The following RBL1 variants were observed in gnomAD, a reference collection of about 807,000 sequenced individuals.
RBL1 encodes the protein RB transcriptional corepressor like 1.
RBL1 carries 82 observed loss-of-function variants against 123.0 expected under a neutral mutation model. The observed-to-expected ratio is 0.67, with a 90% CI of 0.56 to 0.80. The LOEUF is 0.80. RBL1 is among the 30% of genes least tolerant of loss of function. The pLI, the probability that RBL1 is intolerant of heterozygous loss-of-function variation, is 0.00. For missense variants in RBL1, 1,171 were observed against 1,299.6 expected (o/e 0.90, Z 1.52); for synonymous variants, 405 against 441.3 (o/e 0.92, Z 1.03).
In RBL1 at chr20:37,007,530, A is replaced by G; in HGVS notation, c.2752T>C (p.Cys918Arg). 1.2e-6 allele frequency: 2 copies of G among 1,613,848 alleles called. No individual in the cohort carries two copies. The highest frequency in any genetic ancestry group is 8.5e-7 in the Non-Finnish European group (1 of 1,179,924). Residue 918 changes from cysteine to arginine, a missense_variant, in exon 20 of 22, where the codon TGT becomes CGT. Transcript: ENST00000373664. ...TCCTCTTTCACTGGTCCACTGGAAC[A>G]GTCAGGTGTTTTTGTAGCATCTTCT... ...DLEDATKTPD[C>R]SSGPVKEERG...
chr20:37,065,617 C>T (rs1428856784), intron 6 of RBL1, 144 bp from the exon 7 acceptor site: 6 of 540,212 alleles, frequency 1.1e-5, no homozygotes, highest in Non-Finnish European at 1.9e-5. Context: ...CTAGGATAAA[C>T]TATTTAGCAT....
intron 16 of RBL1, among the ~76,000 whole-genome samples, chr20:37,024,210 A>C (rs1568833433): frequency 6.6e-6 from 1 of 152,150 alleles, no homozygotes; most frequent in Non-Finnish European, 1.5e-5. Context: ...GATCTAATAT[A>C]AAGAGAGACA....
intron 2 of RBL1, among the ~76,000 whole-genome samples, chr20:37,071,792 TGTTTAAAA>T (rs1220979276): frequency 6.6e-6 from 1 of 152,158 alleles, no homozygotes; most frequent in African/African-American, 2.4e-5. Context: ...GAGATCTGGC[TGTTTAAAA>T]GTGTGGCACT....
At chr20:37,073,733 C>T (rs560029304) in intron 2 of RBL1, among the ~76,000 whole-genome samples, 68 of 121,918 alleles carry the variant, frequency 5.6e-4, no homozygotes, top group Non-Finnish European at 9.5e-4. Context: ...GAATACACTA[C>T]TCAAGTTGGG....
chr20:37,041,285 C>T (rs951258478), intron 13 of RBL1, among the ~76,000 whole-genome samples: 4 of 152,120 alleles, frequency 2.6e-5, no homozygotes, highest in Non-Finnish European at 5.9e-5. Context: ...AATTTGTGCA[C>T]AACTCTGGGC....
chr20:37,043,619 A>G lies in RBL1; in HGVS notation c.1770+467T>C, dbSNP rs538699810. 7.9e-5 allele frequency among the ~76,000 whole-genome samples: 12 copies of G among 152,232 alleles called. No individual in the cohort carries two copies. In the South Asian group the frequency reaches 2.5e-3, roughly 32 times the overall value. The stretch of plus-strand genomic sequence containing the variant: ...AGGAAGTTGAGGGTGTAGTCAGTGC[A>G]CCATCTTTGTCCACTGCACACCAGC... On this transcript the variant is annotated intron_variant, in intron 13 of 21. Coordinates refer to ENST00000373664, the MANE Select transcript of RBL1 (RefSeq NM_002895.5).
chr20:37,038,176 G>A (rs2064657463), intron 14 of RBL1, among the ~76,000 whole-genome samples: 1 of 151,134 alleles, frequency 6.6e-6, no homozygotes, highest in African/African-American at 2.4e-5. Context: ...ATTTTTAGTA[G>A]AGACAGGGTT....
Position 37,069,850 on chromosome 20 carries a change from G to T in RBL1, c.291-1664C>A, listed in dbSNP as rs2065255144. Among the ~76,000 whole-genome samples, 6 of 150,980 alleles carry T rather than the reference G, an allele frequency of 4.0e-5. No individual in the cohort carries two copies. In the South Asian group the frequency reaches 1.3e-3, roughly 32 times the overall value. On this transcript the variant is annotated intron_variant, in intron 2 of 21. Coordinates refer to ENST00000373664, the MANE Select transcript of RBL1 (RefSeq NM_002895.5). Reference sequence around the variant, plus strand: ...CGCCCTGTCCGGGAGGGAGGTGGGGGGGTCAGCCCCCCGCCCGGCCAGCCG... The same window carrying T: ...CGCCCTGTCCGGGAGGGAGGTGGGGTGGTCAGCCCCCCGCCCGGCCAGCCG...
Position 37,018,370 on chromosome 20 carries a change from C to G in RBL1, c.2632-1G>C. The G allele has an allele frequency of 1.2e-6, 2 of 1,602,292 alleles. No homozygotes were observed. The highest frequency in any genetic ancestry group is 1.7e-6 in the Non-Finnish European group (2 of 1,175,892). On this transcript the variant is annotated splice_acceptor_variant, in intron 18 of 21. Transcript: ENST00000373664. LOFTEE classifies it high-confidence loss of function. ...TTTTCAGCAGAACACTTCTATATAC[C>G]TACATGCCAGAGGGGAAGAAAAGGA...
rs1475058573 is a variant in RBL1, at chr20:37,018,473, G to A, written c.2632-104C>T. 1.6e-5 allele frequency: 23 copies of A among 1,419,716 alleles called. No individual in the cohort carries two copies. In the East Asian group the frequency reaches 4.9e-4, roughly 30 times the overall value. The allele number at this position is 1,419,716 out of a possible 1,614,324, so 87.9% of individuals were successfully genotyped here. A position where few individuals can be genotyped will look rare whatever the true frequency, so the allele number is the denominator to read the frequency against. ...ATATCAAACCAATTAAAAACTATTT[G>A]TCTGTATAAGTGATACTCAAGGGTA... On this transcript the variant is annotated intron_variant, in intron 18 of 21. Coordinates refer to ENST00000373664, the MANE Select transcript of RBL1 (RefSeq NM_002895.5).
chr20:37,079,262 A>C (rs959748280), intron 2 of RBL1, among the ~76,000 whole-genome samples: 1 of 151,816 alleles, frequency 6.6e-6, no homozygotes, highest in Admixed American at 6.6e-5. Context: ...AAAAATAACA[A>C]ATGATTATAA....
At position 37,024,118 on chromosome 20, in the gene RBL1, A is replaced by G. The variant is rs150640540; in HGVS notation, c.2383-1292T>C. On this transcript the variant is annotated intron_variant, in intron 16 of 21. Transcript: ENST00000373664. ...GTCTTTAAATTTCCAGATGGAAAAA[A>G]AAAGTTACCCCTTACAGAAAATTAT... Among the ~76,000 whole-genome samples the G allele has an allele frequency of 2.9e-4, 44 of 152,224 alleles. No individual in the cohort carries two copies. In the East Asian group the frequency reaches 8.3e-3, roughly 29 times the overall value.
intron 1 of RBL1, among the ~76,000 whole-genome samples, chr20:37,094,348 C>CA (rs1320471579): frequency 1.3e-5 from 2 of 152,228 alleles, no homozygotes; most frequent in Admixed American, 6.5e-5. Context: ...CACAGCTCTC[C>CA]AGTCATGCCA....
intron 18 of RBL1, among the ~76,000 whole-genome samples, 193 bp downstream of exon 18, chr20:37,020,466 C>A (rs531360717): frequency 8.5e-5 from 13 of 152,082 alleles, no homozygotes; most frequent in African/African-American, 3.1e-4. Flanking sequence ...ATGGATGAGT[C>A]GGAAACAGTC....
intron 18 of RBL1, among the ~76,000 whole-genome samples, chr20:37,018,675 G>T (rs2064293833): frequency 6.6e-6 from 1 of 152,192 alleles, no homozygotes; most frequent in African/African-American, 2.4e-5. Context: ...AATTTGGTCA[G>T]GTGCAGTGGC....
intron 12 of RBL1, 70 bp from the exon 13 acceptor site, chr20:37,044,320 A>T: frequency 6.9e-7 from 1 of 1,451,876 alleles, no homozygotes. Flanking sequence ...TGCATGTAGG[A>T]CTAGCTGTGG....
intron 21 of RBL1, among the ~76,000 whole-genome samples, chr20:36,999,955 C>T (rs1056061259): frequency 6.6e-6 from 1 of 150,664 alleles, no homozygotes; most frequent in South Asian, 2.1e-4. Flanking sequence ...GGCCGCCCAT[C>T]GTCTGGGATG....
intron 21 of RBL1, among the ~76,000 whole-genome samples, chr20:37,000,990 C>A (rs1476712898): frequency 7.0e-6 from 1 of 143,710 alleles, no homozygotes; most frequent in Non-Finnish European, 1.5e-5. Context: ...AGGAGCCCCT[C>A]TGCCTGGCCA....
chr20:36,999,220 A>T (rs1195516001), intron 21 of RBL1, among the ~76,000 whole-genome samples: 2 of 152,134 alleles, frequency 1.3e-5, no homozygotes, highest in Non-Finnish European at 2.9e-5. Context: ...CAGCCTGGGC[A>T]ACATGGCAAA....
Sources: gnomAD v4.1 joint callset for allele counts (sites outside exome capture counted in the v4.1 genomes callset) on GRCh38, gnomAD v4.1.1 for gene constraint, MANE v1.5 for transcripts, NCBI Gene and HGNC (gene_info 2026-07-23, HGNC 2026-07-21) for gene names.